Variants in NTNG1 observed in about 807,000 individuals in gnomAD.
The protein encoded by NTNG1 is netrin-G1.
In NTNG1, 16 loss-of-function variants were observed where a neutral mutation model predicts 54.0. The ratio of observed to expected loss-of-function variants is 0.30; its 90% CI spans 0.20 to 0.45. NTNG1 has a LOEUF of 0.45. NTNG1 is among the 20% of genes least tolerant of loss of function. The pLI, the probability that NTNG1 is intolerant of heterozygous loss-of-function variation, is 1.00. For synonymous variants in NTNG1, 255 were observed against 263.1 expected, an observed-to-expected ratio of 0.97 and a Z score of 0.30; for missense variants, 530 against 678.7, an observed-to-expected ratio of 0.78 and a Z score of 2.43.
intron 3 of NTNG1, among the ~76,000 whole-genome samples, chr1:107,333,380 C>T (rs907123980): frequency 2.6e-5 from 4 of 151,818 alleles, no homozygotes; most frequent in African/African-American, 9.7e-5. Context: ...CAAATAAAGT[C>T]CATGATGGTC....
chr1:107,410,610 T>G (rs1357596315), intron 5 of NTNG1: 1 of 152,198 alleles, frequency 6.6e-6, no homozygotes, highest in Non-Finnish European at 1.5e-5. Flanking sequence ...TGTTTTCACT[T>G]TACCTGATGT....
intron 1 of NTNG1, among the ~76,000 whole-genome samples, chr1:107,142,141 C>A (rs1653776099): frequency 6.6e-6 from 1 of 152,076 alleles, no homozygotes; most frequent in Non-Finnish European, 1.5e-5. Flanking sequence ...GCTAGGGACA[C>A]TGAATTGCAC....
chr1:107,446,153 A>G (rs765300376), intron 7 of NTNG1, among the ~76,000 whole-genome samples: 1 of 152,140 alleles, frequency 6.6e-6, no homozygotes, highest in African/African-American at 2.4e-5. Context: ...TATCACAGGG[A>G]GTTGAACTAA....
chr1:107,238,800 T>G (rs1009609401), intron 2 of NTNG1, among the ~76,000 whole-genome samples: 1 of 151,906 alleles, frequency 6.6e-6, no homozygotes, highest in Non-Finnish European at 1.5e-5. Flanking sequence ...AACACTTTTT[T>G]TTTTTTGTAA....
At chr1:107,425,885 A>C (rs946079677) in intron 5 of NTNG1, among the ~76,000 whole-genome samples, 7 of 152,116 alleles carry the variant, frequency 4.6e-5, no homozygotes, top group Non-Finnish European at 8.8e-5. Context: ...GACTGGTGTA[A>C]GATGGCACGT....
intron 2 of NTNG1, among the ~76,000 whole-genome samples, chr1:107,295,424 T>G (rs1040644695): frequency 6.6e-6 from 1 of 152,228 alleles, no homozygotes; most frequent in Non-Finnish European, 1.5e-5. Context: ...TGTTTGTCAC[T>G]AGTTTCCCTG....
intron 5 of NTNG1, among the ~76,000 whole-genome samples, chr1:107,414,269 C>T (rs1332524819): frequency 1.3e-5 from 2 of 152,038 alleles, no homozygotes; most frequent in East Asian, 3.9e-4. Context: ...ATTTTTATAA[C>T]CAAAATCTCC....
intron 2 of NTNG1, among the ~76,000 whole-genome samples, chr1:107,216,310 AG>A (rs1451862311): frequency 1.3e-5 from 2 of 152,152 alleles, no homozygotes; most frequent in Non-Finnish European, 2.9e-5. Flanking sequence ...TATTACCTTA[AG>A]GTATGTCCCT....
intron 2 of NTNG1, among the ~76,000 whole-genome samples, chr1:107,224,249 C>T (rs887066450): frequency 3.9e-5 from 6 of 152,150 alleles, no homozygotes; most frequent in Non-Finnish European, 7.4e-5. Context: ...TCCAGTATGA[C>T]TTAGAACCTA....
At chr1:107,146,627 T>C (rs1349923185) in intron 1 of NTNG1, among the ~76,000 whole-genome samples, 1 of 152,108 alleles carries the variant, frequency 6.6e-6, no homozygotes, top group African/African-American at 2.4e-5. Flanking sequence ...TTAGACAAAC[T>C]ACTAATTATT....
At chr1:107,212,705 A>T (rs1022234101) in intron 2 of NTNG1, among the ~76,000 whole-genome samples, 2 of 152,150 alleles carry the variant, frequency 1.3e-5, no homozygotes, top group Admixed American at 1.3e-4. Context: ...TTACTGAAGA[A>T]AACTTCAACT....
At chr1:107,141,337 A>C (rs971371619) in intron 1 of NTNG1, 197 bp downstream of exon 1, 32 of 149,090 alleles carry the variant, frequency 2.1e-4, no homozygotes, top group African/African-American at 7.6e-4. Flanking sequence ...CTCCGCCCGT[A>C]CGCCGCCCGC....
intron 2 of NTNG1, among the ~76,000 whole-genome samples, chr1:107,191,102 T>C (rs990675129): frequency 1.3e-5 from 2 of 152,240 alleles, no homozygotes; most frequent in African/African-American, 4.8e-5. Context: ...TTTCCTGACT[T>C]TTTAATGATC....
intron 2 of NTNG1, among the ~76,000 whole-genome samples, chr1:107,321,513 G>A (rs1187731336): frequency 6.6e-6 from 1 of 151,958 alleles, no homozygotes; most frequent in African/African-American, 2.4e-5. Flanking sequence ...GTATAGTGCT[G>A]TTTGGCCTCC....
At chr1:107,264,951 T>C (rs1663633081) in intron 2 of NTNG1, among the ~76,000 whole-genome samples, 1 of 152,222 alleles carries the variant, frequency 6.6e-6, no homozygotes, top group Admixed American at 6.5e-5. Flanking sequence ...GTTTTGCATA[T>C]TGGCCTCTCT....
intron 2 of NTNG1, among the ~76,000 whole-genome samples, chr1:107,296,245 T>G (rs1415254286): frequency 6.6e-6 from 1 of 152,162 alleles, no homozygotes; most frequent in Non-Finnish European, 1.5e-5. Context: ...TCCACCTGGA[T>G]GAATGATATC....
chr1:107,447,600 A>G (rs1231017474), intron 7 of NTNG1, among the ~76,000 whole-genome samples: 1 of 152,106 alleles, frequency 6.6e-6, no homozygotes, highest in Non-Finnish European at 1.5e-5. Context: ...CTGAAGTAAC[A>G]ATTTTAATAA....
At chr1:107,183,907 C>T (rs955922572) in intron 2 of NTNG1, among the ~76,000 whole-genome samples, 5 of 152,024 alleles carry the variant, frequency 3.3e-5, no homozygotes, top group Non-Finnish European at 7.4e-5. Flanking sequence ...ATGTGATCCC[C>T]CTCCCTTTTC....
chr1:107,275,618 G>A (rs1664425592), intron 2 of NTNG1, among the ~76,000 whole-genome samples: 1 of 151,990 alleles, frequency 6.6e-6, no homozygotes, highest in East Asian at 1.9e-4. Context: ...TTCAATTAGA[G>A]TCCAAAGGCA....
Sources: gnomAD v4.1 joint callset for allele counts (sites outside exome capture counted in the v4.1 genomes callset) on GRCh38, gnomAD v4.1.1 for gene constraint, MANE v1.5 for transcripts, NCBI Gene and HGNC (gene_info 2026-07-23, HGNC 2026-07-21) for gene names.